Variants in SEMA3A observed in about 807,000 individuals in gnomAD.
SEMA3A encodes semaphorin-3A.
In SEMA3A, 29 loss-of-function variants were observed where a neutral mutation model predicts 97.9. That is an observed-to-expected ratio of 0.30 (90% CI 0.22 to 0.40). SEMA3A has a LOEUF of 0.40. Among genes scored for constraint, SEMA3A ranks in the 10% least tolerant of loss-of-function variants. SEMA3A has a pLI of 1.00. For synonymous variants in SEMA3A, 321 were observed against 323.7 expected, an observed-to-expected ratio of 0.99 and a Z score of 0.09; for missense variants, 763 against 951.3, an observed-to-expected ratio of 0.80 and a Z score of 2.60.
Position 83,957,181 on chromosome 7 carries a change from G to A in SEMA3A, c.*4190C>T, listed in dbSNP as rs898709787. Reference sequence around the variant, plus strand: ...AAGGTATATACAAGGCACAGGTTTAGCATAGAGAAGGTCCCTAGCTTGAAC... The same window carrying A: ...AAGGTATATACAAGGCACAGGTTTAACATAGAGAAGGTCCCTAGCTTGAAC... On this transcript the variant is annotated 3_prime_UTR_variant, in exon 17 of 17. Transcript: ENST00000265362. 1 of 152,130 alleles carries A rather than the reference G, an allele frequency of 6.6e-6. No individual in the cohort carries two copies. Among genetic ancestry groups the A allele is most frequent in the Non-Finnish European group, 1.5e-5 (1 of 67,984 alleles). The allele number at this position is 152,130 out of a possible 1,614,324, so 9.4% of individuals were successfully genotyped here. A position where few individuals can be genotyped will look rare whatever the true frequency, so the allele number is the denominator to read the frequency against.
At chr7:84,292,674 C>G (rs1050481583) in intron 3 of SEMA3A, among the ~76,000 whole-genome samples, 1 of 152,008 alleles carries the variant, frequency 6.6e-6, no homozygotes, top group Non-Finnish European at 1.5e-5. Flanking sequence ...CCCCAACAAA[C>G]TTTACCACAG....
At chr7:83,962,976 T>C (rs1313182630) in intron 16 of SEMA3A, among the ~76,000 whole-genome samples, 1 of 152,138 alleles carries the variant, frequency 6.6e-6, no homozygotes, top group Non-Finnish European at 1.5e-5. Flanking sequence ...CCCAAACTGC[T>C]TCTGGGGCAG....
intron 1 of SEMA3A, among the ~76,000 whole-genome samples, chr7:84,442,555 G>T (rs1313307996): frequency 6.6e-6 from 1 of 151,966 alleles, no homozygotes; most frequent in Admixed American, 6.6e-5. Context: ...TAGGAAGTGA[G>T]AACAAAGAAA....
rs551002141 is a variant in SEMA3A at position 84,163,842 on chromosome 7, ATT to A, written c.113-28893_113-28892del. Reference sequence around the variant, plus strand: ...ATGGCAATTGATTTCACACAGTACTATTTTTTTTTTTTTTTTTTTTAAGAAGG... The same window carrying A: ...ATGGCAATTGATTTCACACAGTACTATTTTTTTTTTTTTTTTTTAAGAAGG... On this transcript the variant is annotated intron_variant, in intron 1 of 16. Coordinates refer to ENST00000265362, the MANE Select transcript of SEMA3A (RefSeq NM_006080.3). Among the ~76,000 whole-genome samples, 370 of 126,860 alleles carry A rather than the reference ATT, an allele frequency of 2.9e-3. 2 individuals are homozygous for A. Among genetic ancestry groups the A allele is most frequent in the East Asian group, 0.015 (62 of 4,216 alleles). The allele number at this position is 126,860 out of a possible 152,430, so 83.2% of individuals were successfully genotyped here.
intron 1 of SEMA3A, among the ~76,000 whole-genome samples, chr7:84,191,364 G>A (rs952140555): frequency 1.3e-5 from 2 of 151,622 alleles, no homozygotes; most frequent in Non-Finnish European, 3.0e-5. Flanking sequence ...GGATTCACAG[G>A]ATCACCATCA....
chr7:84,227,022 A>C (rs1799003362), intron 3 of SEMA3A, among the ~76,000 whole-genome samples: 1 of 152,070 alleles, frequency 6.6e-6, no homozygotes, highest in Non-Finnish European at 1.5e-5. Flanking sequence ...TATGCTGTAC[A>C]AGGTTAATTT....
chr7:84,150,234 G>A (rs915443756), intron 1 of SEMA3A, among the ~76,000 whole-genome samples: 11 of 152,200 alleles, frequency 7.2e-5, no homozygotes, highest in Non-Finnish European at 1.5e-4. Context: ...TGCTGTAGAA[G>A]CTGAGATTAT....
intron 1 of SEMA3A, among the ~76,000 whole-genome samples, chr7:84,374,037 G>A (rs1457370002): frequency 6.6e-6 from 1 of 152,132 alleles, no homozygotes; most frequent in Non-Finnish European, 1.5e-5. Flanking sequence ...TGGTCAACAA[G>A]GCCTGGTCAT....
At chr7:84,150,682 C>T (rs1453389355) in intron 1 of SEMA3A, among the ~76,000 whole-genome samples, 1 of 152,138 alleles carries the variant, frequency 6.6e-6, no homozygotes, top group Non-Finnish European at 1.5e-5. Flanking sequence ...CGCCATTGCC[C>T]AGGCTTGATT....
At chr7:84,344,527 C>T (rs1353243429) in intron 2 of SEMA3A, among the ~76,000 whole-genome samples, 5 of 152,122 alleles carry the variant, frequency 3.3e-5, no homozygotes, top group Admixed American at 2.0e-4. Context: ...AAGGCCAATG[C>T]AGCTAGACTT....
intron 1 of SEMA3A, among the ~76,000 whole-genome samples, chr7:84,409,866 G>A (rs1026304173): frequency 6.6e-6 from 1 of 152,006 alleles, no homozygotes; most frequent in African/African-American, 2.4e-5. Context: ...TTATTTATTA[G>A]ATATTTATGC....
intron 2 of SEMA3A, among the ~76,000 whole-genome samples, chr7:84,326,332 C>T (rs561773578): frequency 6.6e-6 from 1 of 152,084 alleles, no homozygotes; most frequent in African/African-American, 2.4e-5. Flanking sequence ...TATAAAGAGA[C>T]AAATATAAAC....
At chr7:84,462,999 AT>A (rs1805889940) in intron 1 of SEMA3A, among the ~76,000 whole-genome samples, 1 of 151,926 alleles carries the variant, frequency 6.6e-6, no homozygotes. Context: ...ATAGTTAGAA[AT>A]TTCTTCCATC....
At chr7:84,013,244 C>T (rs145062903) in intron 7 of SEMA3A, among the ~76,000 whole-genome samples, 2,059 of 151,998 alleles carry the variant, frequency 0.014, 13 homozygotes, top group Non-Finnish European at 0.018. Flanking sequence ...CACTAGGCAC[C>T]GTAGAGGGAA....
At chr7:84,109,078 C>T (rs190913452) in intron 4 of SEMA3A, among the ~76,000 whole-genome samples, 1 of 152,004 alleles carries the variant, frequency 6.6e-6, no homozygotes, top group African/African-American at 2.4e-5. Flanking sequence ...GTGAGACAAT[C>T]ACCTTGGGCC....
At chr7:84,300,959 T>C (rs1801002373) in intron 3 of SEMA3A, among the ~76,000 whole-genome samples, 1 of 152,136 alleles carries the variant, frequency 6.6e-6, no homozygotes, top group Non-Finnish European at 1.5e-5. Context: ...ATTATTTCTA[T>C]CAGAGTATGT....
chr7:84,162,368 A>G (rs997032805), intron 1 of SEMA3A, among the ~76,000 whole-genome samples: 7 of 152,276 alleles, frequency 4.6e-5, no homozygotes, highest in Admixed American at 4.6e-4. Context: ...GGGAGAGAAG[A>G]GAAAAGCAGC....
chr7:84,487,720 T>C (rs1806611406), intron 1 of SEMA3A, among the ~76,000 whole-genome samples: 1 of 152,164 alleles, frequency 6.6e-6, no homozygotes, highest in Non-Finnish European at 1.5e-5. Context: ...CCTCAAGGTA[T>C]TTAGAGCTTT....
At chr7:84,136,902 C>T (rs757098261) in intron 1 of SEMA3A, among the ~76,000 whole-genome samples, 20 of 149,106 alleles carry the variant, frequency 1.3e-4, no homozygotes, top group Non-Finnish European at 2.4e-4. Context: ...CCACTCTCCA[C>T]ACACACAAAA....
Sources: allele counts gnomAD v4.1 joint callset (sites outside exome capture counted in the v4.1 genomes callset), GRCh38; gene constraint gnomAD v4.1.1; transcripts MANE v1.5; gene names NCBI Gene and HGNC (gene_info 2026-07-23, HGNC 2026-07-21).